Variants in GP2 observed in about 807,000 individuals in gnomAD.
The protein encoded by GP2 is pancreatic secretory granule membrane major glycoprotein GP2.
A neutral mutation model predicts 60.8 loss-of-function variants in GP2; 58 were observed. The observed-to-expected ratio is 0.95, with a 90% CI of 0.77 to 1.19. The LOEUF (loss-of-function observed/expected upper bound fraction) is 1.19. GP2 is among the 50% of genes most tolerant of loss of function. The pLI, the probability that GP2 is intolerant of heterozygous loss-of-function variation, is 0.00. For missense variants in GP2, 647 were observed against 667.4 expected (o/e 0.97, Z 0.34); for synonymous variants, 280 against 253.4 (o/e 1.10, Z -1.00).
rs1241856712 is a variant in GP2 at position 20,318,319 on chromosome 16, A to T, written c.1119T>A (p.Val373=). 3.7e-6 allele frequency: 6 copies of T among 1,613,856 alleles called. No homozygotes were observed. Among genetic ancestry groups the T allele is most frequent in the Non-Finnish European group, 5.1e-6 (6 of 1,179,846 alleles). Reference sequence around the variant, plus strand: ...TGGCACCCACATACAGCACGGACTCAACAGACAGTTCAACTGCATCCCCTT... The same window carrying T: ...TGGCACCCACATACAGCACGGACTCTACAGACAGTTCAACTGCATCCCCTT... ...PYEGDAVELS[V]ESVLYVGAIL... Residue 373 remains valine (V), a synonymous_variant, in exon 7 of 11, where the codon GTT becomes GTA. Coordinates refer to ENST00000302555, the MANE Select transcript of GP2 (RefSeq NM_001502.4).
rs73541265 is a variant in GP2 at position 20,323,730 on chromosome 16, C to T, written c.535+86G>A. 7,589 of 878,922 alleles carry T rather than the reference C, an allele frequency of 8.6e-3. 219 individuals carry two copies. The highest frequency in any genetic ancestry group is 0.071 in the African/African-American group (4,208 of 59,454). The allele number at this position is 878,922 out of a possible 1,614,324, so 54.4% of individuals were successfully genotyped here. A position where few individuals can be genotyped will look rare whatever the true frequency, so the allele number is the denominator to read the frequency against. On this transcript the variant is annotated intron_variant, in intron 3 of 10. Transcript: ENST00000302555. ...GCTGCTCTGCATCCTCTCCTGTCTC[C>T]TCTTGACTTGCTCCACTCACTCTAC... is the stretch of plus-strand genomic sequence containing the variant.
At position 20,325,797 on chromosome 16, in the gene GP2, A is replaced by G. The variant is rs553598330; in HGVS notation, c.94+541T>C. 1.2e-3 allele frequency among the ~76,000 whole-genome samples: 177 copies of G among 152,358 alleles called. 1 individual carries two copies. The highest frequency in any genetic ancestry group is 4.2e-3 in the African/African-American group (174 of 41,580). Reference sequence around the variant, plus strand: ...AAAGATTTTCAAACTTTGCTCATGCATGTACTTATTTTAAGACAAGGAATC... The same window carrying G: ...AAAGATTTTCAAACTTTGCTCATGCGTGTACTTATTTTAAGACAAGGAATC... On this transcript the variant is annotated intron_variant, in intron 2 of 10. Transcript: ENST00000302555.
chr16:20,324,512 A>G (rs939099598), intron 2 of GP2, among the ~76,000 whole-genome samples: 4 of 152,170 alleles, frequency 2.6e-5, no homozygotes, highest in Non-Finnish European at 5.9e-5. Flanking sequence ...AGAGTAACAA[A>G]GTTCTTTCCT....
At position 20,316,033 on chromosome 16, in the gene GP2, G is replaced by T. The variant is rs140017290; in HGVS notation, c.1424C>A (p.Ser475Ter). ...TACTTCACTGCGGACTTGACTTCTTGAGCAAGACTGTAGGGATGATGAACT... is the reference window on the plus strand; with the variant it reads ...TACTTCACTGCGGACTTGACTTCTTTAGCAAGACTGTAGGGATGATGAACT... ...SLNEQCQPSC[S>*]RSQVRSEVPA... The change falls in exon 9 of 11, where the codon TCA becomes TAA. Residue 475 changes from serine (S) to a stop codon, truncating the protein, a stop_gained. Coordinates refer to ENST00000302555, the MANE Select transcript of GP2 (RefSeq NM_001502.4). LOFTEE classifies it high-confidence loss of function. 13 of 1,605,854 alleles carry T rather than the reference G, an allele frequency of 8.1e-6. No individual in the cohort carries two copies. Among genetic ancestry groups the T allele is most frequent in the African/African-American group, 5.4e-5 (4 of 74,744 alleles).
chr16:20,317,926 T>C (rs1964235410), intron 7 of GP2, among the ~76,000 whole-genome samples: 1 of 152,188 alleles, frequency 6.6e-6, no homozygotes, highest in Non-Finnish European at 1.5e-5. Context: ...CACTACCAAA[T>C]TGATTCCCTA....
intron 8 of GP2, among the ~76,000 whole-genome samples, chr16:20,316,459 G>A (rs1353869978): frequency 6.6e-6 from 1 of 152,186 alleles, no homozygotes; most frequent in Non-Finnish European, 1.5e-5. Flanking sequence ...GGCACACCCT[G>A]GCTCTGATAT....
intron 2 of GP2, 33 bp from the exon 3 acceptor site, chr16:20,324,289 T>C (rs1455447140): frequency 1.4e-6 from 2 of 1,423,664 alleles, no homozygotes; most frequent in East Asian, 2.3e-5. Flanking sequence ...TTGGGTTTAC[T>C]GAGCAATGCC....
rs1317820725 is a variant in GP2 at position 20,320,361 on chromosome 16, C to T, written c.759G>A (p.Leu253=). The T allele has an allele frequency of 1.9e-6, 3 of 1,613,832 alleles. No homozygotes were observed. Among genetic ancestry groups the T allele is most frequent in the Non-Finnish European group, 2.5e-6 (3 of 1,179,828 alleles). The change falls in exon 5 of 11, where the codon CTG becomes CTA. Residue 253 remains leucine, a synonymous_variant. Transcript: ENST00000302555. The part of the protein sequence containing the change: ...LGLGEEVIAY[L]RDPNCSSILQ... The stretch of plus-strand genomic sequence containing the variant: ...AGATGCTGCTGCAGTTTGGGTCTCG[C>T]AGGTAGGCAATGACCTCCTCCCCCA...
In GP2 at chr16:20,324,050, C is replaced by G; in HGVS notation, c.301G>C (p.Val101Leu). The G allele has an allele frequency of 6.2e-7, 1 of 1,614,012 alleles. No individual in the cohort carries two copies. Residue 101 changes from valine (V) to leucine (L), a missense_variant, in exon 3 of 11, where the codon GTA (valine) becomes CTA (leucine). By Grantham distance (32) the Val-to-Leu change is conservative. Transcript: ENST00000302555. ...GWYRFVGEGG[V>L]RMSETCVQVH... Reference sequence around the variant, plus strand: ...TGGACACAGGTCTCCGACATCCTTACTCCTCCTTCCCCTACAAAGCGGTAC... The same window carrying G: ...TGGACACAGGTCTCCGACATCCTTAGTCCTCCTTCCCCTACAAAGCGGTAC...
chr16:20,322,888 T>A lies in GP2; in HGVS notation c.627A>T (p.Arg209Ser), dbSNP rs747434027. Reference sequence around the variant, plus strand: ...GCTCACCAGAACTATTGAGGTCCTGTCTGCAGAAACAGCCCCAGGTGCTGT... The same window carrying A: ...GCTCACCAGAACTATTGAGGTCCTGACTGCAGAAACAGCCCCAGGTGCTGT... ...ALNSTWGCFC[R>S]QDLNSSDVHS... Residue 209 changes from arginine (R) to serine (S), a missense_variant, in exon 4 of 11, where the codon AGA becomes AGT. Physicochemically the swap from Arg to Ser is moderately radical, Grantham distance 110. Transcript: ENST00000302555. 1.9e-6 allele frequency: 3 copies of A among 1,603,792 alleles called. No homozygotes were observed. The Admixed American group carries it at 5.0e-5, about 27-fold the overall frequency.
In GP2 at chr16:20,317,332, C is replaced by T; in HGVS notation, c.1297G>A (p.Gly433Arg). The change falls in exon 8 of 11, where the codon GGG (glycine) becomes AGG (arginine). Residue 433 changes from glycine to arginine, a missense_variant. Physicochemically the swap from Gly to Arg is moderately radical, Grantham distance 125. Transcript: ENST00000302555. Reference sequence around the variant, plus strand: ...GAGAACCGGCTTTCCGAGGACTGCCCATTCTCCTCCACGTGGATGGTGGAA... The same window carrying T: ...GAGAACCGGCTTTCCGAGGACTGCCTATTCTCCTCCACGTGGATGGTGGAA... Reference protein sequence around the residue: ...RDSTIHVEENGQSSESRFSVQ... With the variant: ...RDSTIHVEENRQSSESRFSVQ... The T allele has an allele frequency of 6.2e-7, 1 of 1,613,660 alleles. No individual in the cohort carries two copies. Among genetic ancestry groups the T allele is most frequent in the Non-Finnish European group, 8.5e-7 (1 of 1,179,610 alleles).
Position 20,319,640 on chromosome 16 carries a change from A to T in GP2, c.987T>A (p.Ala329=). 2.5e-6 allele frequency: 4 copies of T among 1,613,068 alleles called. No homozygotes were observed. The highest frequency in any genetic ancestry group is 3.4e-6 in the Non-Finnish European group (4 of 1,179,012). The change falls in exon 6 of 11, where the codon GCT becomes GCA. Residue 329 remains alanine, a synonymous_variant. Transcript: ENST00000302555. ...YPLDMKVSLQ[A]ALQPIVSSLN... is the part of the protein sequence containing the mutation. ...CATACCTTACAATGGGCTGCAAGGCAGCTTGGAGGCTGACTTTCATGTCCA... is the reference window on the plus strand; with the variant it reads ...CATACCTTACAATGGGCTGCAAGGCTGCTTGGAGGCTGACTTTCATGTCCA...
rs10653884 is a variant in GP2 at position 20,310,753 on chromosome 16, C to CT, written c.*469dup. 44,136 of 128,938 alleles carry CT rather than the reference C, an allele frequency of 0.34. 9,109 individuals are homozygous for CT. The highest frequency in any genetic ancestry group is 0.46 in the South Asian group (1,724 of 3,736). 8.0% of individuals were successfully genotyped at this position (128,938 alleles called of 1,614,324 possible). A position where few individuals can be genotyped will look rare whatever the true frequency, so the allele number is the denominator to read the frequency against. ...ACAGAAACCCCACTATGTTGCTTTT[C>CT]TTTTTTTTTTTTTTTTTTCCTGAGA... On this transcript the variant is annotated 3_prime_UTR_variant, in exon 11 of 11. Transcript: ENST00000302555.
chr16:20,324,232 C>T lies in GP2; in HGVS notation c.119G>A (p.Ser40Asn). 3 of 1,604,818 alleles carry T rather than the reference C, an allele frequency of 1.9e-6. No individual in the cohort carries two copies. Among genetic ancestry groups the T allele is most frequent in the Non-Finnish European group, 2.6e-6 (3 of 1,172,912 alleles). Reference sequence around the variant, plus strand: ...GCAGTCCAGGTCCAGCCCATACGAACTGGCTTCAATGGGGTTTCCATAACC... The same window carrying T: ...GCAGTCCAGGTCCAGCCCATACGAATTGGCTTCAATGGGGTTTCCATAACC... ...QRGYGNPIEASSYGLDLDCGA... is the reference protein window; with the variant it reads ...QRGYGNPIEANSYGLDLDCGA... Residue 40 changes from serine (S) to asparagine (N), a missense_variant, in exon 3 of 11, where the codon AGT becomes AAT. Coordinates refer to ENST00000302555, the MANE Select transcript of GP2 (RefSeq NM_001502.4).
chr16:20,323,419 T>C (rs1877639173), intron 3 of GP2: 6 of 718,246 alleles, frequency 8.4e-6, no homozygotes, highest in Non-Finnish European at 1.3e-5. Flanking sequence ...AGTTAATACA[T>C]TTGAAGTACT....
chr16:20,320,372 T>A lies in GP2; in HGVS notation c.748A>T (p.Ile250Phe), dbSNP rs750318336. 4 of 1,613,718 alleles carry A rather than the reference T, an allele frequency of 2.5e-6. No individual in the cohort carries two copies. Among genetic ancestry groups the A allele is most frequent in the Non-Finnish European group, 2.5e-6 (3 of 1,179,756 alleles). ...CAGTTTGGGTCTCGCAGGTAGGCAA[T>A]GACCTCCTCCCCCAAACCCAGGCCT... ...LGGLGLGEEV[I>F]AYLRDPNCSS... The change falls in exon 5 of 11, where the codon ATT becomes TTT. Residue 250 changes from isoleucine to phenylalanine, a missense_variant. Ile to Phe is a conservative substitution (Grantham distance 21). Coordinates refer to ENST00000302555, the MANE Select transcript of GP2 (RefSeq NM_001502.4).
chr16:20,319,860 C>A, intron 5 of GP2, 92 bp from the exon 6 acceptor site: 1 of 1,024,222 alleles, frequency 9.8e-7, no homozygotes, highest in Non-Finnish European at 1.5e-6. Flanking sequence ...AGTCAATTTG[C>A]TTAACCATGC....
At position 20,317,437 on chromosome 16, in the gene GP2, G is replaced by T. The variant is rs1208249276; in HGVS notation, c.1254-62C>A. On this transcript the variant is annotated intron_variant, in intron 7 of 10. Coordinates refer to ENST00000302555, the MANE Select transcript of GP2 (RefSeq NM_001502.4). ...AAACAGCAGTGGAGAAAATTAAAGAGTCCCTCGGGTTCCCTCCATCATGAT... is the reference window on the plus strand; with the variant it reads ...AAACAGCAGTGGAGAAAATTAAAGATTCCCTCGGGTTCCCTCCATCATGAT... 9 of 1,284,034 alleles carry T rather than the reference G, an allele frequency of 7.0e-6. No homozygotes were observed. In the East Asian group the frequency reaches 2.1e-4, roughly 30 times the overall value. The allele number at this position is 1,284,034 out of a possible 1,614,324, so 79.5% of individuals were successfully genotyped here.
At chr16:20,326,661 A>T in intron 1 of GP2, 194 bp from the exon 2 acceptor site, 1 of 516,518 alleles carries the variant, frequency 1.9e-6, no homozygotes. Context: ...CTAGTACTGC[A>T]GAATGTCCTA....
Sources: gnomAD v4.1 joint callset for allele counts (sites outside exome capture counted in the v4.1 genomes callset) on GRCh38, gnomAD v4.1.1 for gene constraint, MANE v1.5 for transcripts, NCBI Gene and HGNC (gene_info 2026-07-23, HGNC 2026-07-21) for gene names.